DPYSL3: variants seen among roughly 807,000 people sequenced by gnomAD.
The protein encoded by DPYSL3 is dihydropyrimidinase-related protein 3.
In DPYSL3, 16 loss-of-function variants were observed where a neutral mutation model predicts 66.1. The ratio of observed to expected loss-of-function variants is 0.24; its 90% CI spans 0.16 to 0.37. DPYSL3 has a LOEUF of 0.37. Among genes scored for constraint, DPYSL3 ranks in the 10% least tolerant of loss-of-function variants. The probability of loss-of-function intolerance (pLI) is 1.00; values close to 1 mark genes in which losing one functional copy is unlikely to be tolerated. For synonymous variants in DPYSL3, 338 were observed against 345.1 expected (o/e 0.98, Z 0.23); for missense variants, 738 against 916.2 (o/e 0.81, Z 2.51).
chr5:147,444,250 T>C (rs1265954133), intron 1 of DPYSL3, among the ~76,000 whole-genome samples: 1 of 152,178 alleles, frequency 6.6e-6, no homozygotes, highest in African/African-American at 2.4e-5. Context: ...TGTGTGATAT[T>C]AGGCAAATTA....
chr5:147,474,404 T>G (rs1223958771), intron 1 of DPYSL3, among the ~76,000 whole-genome samples: 2 of 152,130 alleles, frequency 1.3e-5, no homozygotes, highest in South Asian at 4.1e-4. Flanking sequence ...TAAGTGCTTT[T>G]ATCTGCATTT....
intron 2 of DPYSL3, among the ~76,000 whole-genome samples, chr5:147,423,263 G>A (rs971317671): frequency 6.6e-6 from 1 of 152,106 alleles, no homozygotes; most frequent in Non-Finnish European, 1.5e-5. Flanking sequence ...ATATAAGAAA[G>A]TAATAATGTA....
At chr5:147,478,821 C>T (rs1753198059) in intron 1 of DPYSL3, among the ~76,000 whole-genome samples, 1 of 152,136 alleles carries the variant, frequency 6.6e-6, no homozygotes, top group Admixed American at 6.5e-5. Context: ...TCTGAGACCC[C>T]TACTGTACTG....
intron 1 of DPYSL3, among the ~76,000 whole-genome samples, chr5:147,442,086 C>A (rs1005744820): frequency 6.6e-6 from 1 of 152,190 alleles, no homozygotes; most frequent in African/African-American, 2.4e-5. Context: ...AGATTTGAGG[C>A]ACAGATTCGC....
At chr5:147,416,558 CAA>C (rs972726654) in intron 3 of DPYSL3, among the ~76,000 whole-genome samples, 4 of 152,082 alleles carry the variant, frequency 2.6e-5, no homozygotes, top group African/African-American at 9.7e-5. Context: ...GAAGAAAAGG[CAA>C]AAGTTACACT....
chr5:147,450,428 G>T (rs1039635052), intron 1 of DPYSL3, among the ~76,000 whole-genome samples: 13 of 152,156 alleles, frequency 8.5e-5, no homozygotes, highest in African/African-American at 2.9e-4. Flanking sequence ...CCCTTGCTGT[G>T]ATCTGTCGAA....
chr5:147,447,928 A>G (rs1187800855), intron 1 of DPYSL3, among the ~76,000 whole-genome samples: 2 of 152,208 alleles, frequency 1.3e-5, no homozygotes, highest in Non-Finnish European at 2.9e-5. Context: ...GATTAGATGC[A>G]CTGATTTCAT....
intron 1 of DPYSL3, among the ~76,000 whole-genome samples, chr5:147,460,808 AT>A (rs1752919893): frequency 1.3e-5 from 2 of 152,170 alleles, no homozygotes; most frequent in Non-Finnish European, 2.9e-5. Context: ...CTTGCAATCC[AT>A]TAATTGAAGG....
In DPYSL3 at chr5:147,405,706, C is replaced by T. The variant is rs2152018911; in HGVS notation, c.1057G>A (p.Ala353Thr). The stretch of plus-strand genomic sequence containing the variant: ...TTGGTTTGGCTGGCAATGGTGATGG[C>T]ACGGAACACAGCCTCAGCTTCCAGC... ...EELEAEAVFRAITIASQTNCP... is the reference protein window; with the variant it reads ...EELEAEAVFRTITIASQTNCP... Residue 353 changes from alanine (A) to threonine (T), a missense_variant, in exon 8 of 14, where the codon GCC (alanine) becomes ACC (threonine). Coordinates refer to ENST00000343218, the MANE Select transcript of DPYSL3 (RefSeq NM_001197294.2). The T allele has an allele frequency of 1.2e-6, 2 of 1,613,732 alleles. No homozygotes were observed. The highest frequency in any genetic ancestry group is 2.2e-5 in the East Asian group (1 of 44,860).
chr5:147,499,039 G>A (rs1753564395), intron 1 of DPYSL3, among the ~76,000 whole-genome samples: 1 of 152,058 alleles, frequency 6.6e-6, no homozygotes, highest in Non-Finnish European at 1.5e-5. Context: ...GTCTCCCAGG[G>A]TTTTTAGAGT....
At position 147,509,853 on chromosome 5, in the gene DPYSL3, G is replaced by A; in HGVS notation, c.6C>T (p.Ala2=). Residue 2 remains alanine, a synonymous_variant, in exon 1 of 14, where the codon GCC becomes GCT. Transcript: ENST00000343218. This position sits in a 1 kb window ranked among gnomAD's most constrained non-coding sequence, Gnocchi z 5.3. The stretch of plus-strand genomic sequence containing the variant: ...AGCTGTCCCAGCCCCTCCGGCCCGA[G>A]GCCATGGTTCAAGCACGAAAGCGGC... M[A]SGRRGWDSSH... The A allele has an allele frequency of 6.5e-7, 1 of 1,526,996 alleles. No individual in the cohort carries two copies. Among genetic ancestry groups the A allele is most frequent in the Non-Finnish European group, 8.8e-7 (1 of 1,140,374 alleles). The allele number at this position is 1,526,996 out of a possible 1,614,324, so 94.6% of individuals were successfully genotyped here. A position where few individuals can be genotyped will look rare whatever the true frequency, so the allele number is the denominator to read the frequency against.
intron 1 of DPYSL3, among the ~76,000 whole-genome samples, chr5:147,431,406 G>C (rs1425439768): frequency 6.6e-6 from 1 of 151,954 alleles, no homozygotes; most frequent in Non-Finnish European, 1.5e-5. Context: ...CTCTCTGGGT[G>C]GGCTTCAGTT....
rs956519105 is a variant in DPYSL3 at position 147,484,516 on chromosome 5, T to C, written c.381+24962A>G. The stretch of plus-strand genomic sequence containing the variant: ...GACAATGACTGGTTTTCATGGAGCT[T>C]TTCCTATCAACAGTAACAAACAATA... On this transcript the variant is annotated intron_variant, in intron 1 of 13. Transcript: ENST00000343218. Among the ~76,000 whole-genome samples the C allele has an allele frequency of 5.9e-5, 9 of 152,184 alleles. No homozygotes were observed. The South Asian group carries it at 1.9e-3, about 32-fold the overall frequency.
At chr5:147,506,275 G>A (rs972577813) in intron 1 of DPYSL3, among the ~76,000 whole-genome samples, 7 of 152,002 alleles carry the variant, frequency 4.6e-5, no homozygotes, top group Non-Finnish European at 1.0e-4. Flanking sequence ...ATTTTTTTGG[G>A]GGTGGTTTGT....
intron 6 of DPYSL3, among the ~76,000 whole-genome samples, chr5:147,412,321 T>C (rs1751870576): frequency 6.6e-6 from 1 of 152,236 alleles, no homozygotes; most frequent in Non-Finnish European, 1.5e-5. Context: ...TGCTCTCCCA[T>C]TAAATGTTCC....
At chr5:147,399,311 C>A in intron 10 of DPYSL3, 59 bp from the exon 11 acceptor site, 1 of 1,524,366 alleles carries the variant, frequency 6.6e-7, no homozygotes, top group Admixed American at 2.0e-5. Context: ...CAATTCAGGG[C>A]TTCTGAACTC....
intron 6 of DPYSL3, among the ~76,000 whole-genome samples, chr5:147,412,143 A>C (rs1488257741): frequency 2.0e-5 from 3 of 152,226 alleles, no homozygotes; most frequent in African/African-American, 7.2e-5. Flanking sequence ...CTAGGAATCC[A>C]GTGAGACCTT....
intron 1 of DPYSL3, among the ~76,000 whole-genome samples, chr5:147,496,953 A>G (rs983411096): frequency 2.0e-5 from 3 of 152,222 alleles, no homozygotes; most frequent in African/African-American, 4.8e-5. Context: ...ATGCACACGT[A>G]TGTTTATAGT....
At chr5:147,479,420 G>A (rs746716222) in intron 1 of DPYSL3, among the ~76,000 whole-genome samples, 36 of 152,170 alleles carry the variant, frequency 2.4e-4, no homozygotes, top group Non-Finnish European at 4.7e-4. Context: ...CAGGACAACT[G>A]TTTAGGAGCG....
Sources: gnomAD v4.1 joint callset for allele counts (sites outside exome capture counted in the v4.1 genomes callset) on GRCh38, gnomAD v4.1.1 for gene constraint, Gnocchi (gnomAD v3.1) non-coding constraint, MANE v1.5 for transcripts, NCBI Gene and HGNC (gene_info 2026-07-23, HGNC 2026-07-21) for gene names.